Variants in PDE4D observed in about 807,000 individuals in gnomAD.
PDE4D encodes the protein phosphodiesterase 4D, also known as 3',5'-cyclic-AMP phosphodiesterase 4D.
A neutral mutation model predicts 87.4 loss-of-function variants in PDE4D; 24 were observed. That is an observed-to-expected ratio of 0.27 (90% confidence interval 0.20 to 0.39). The LOEUF (loss-of-function observed/expected upper bound fraction) is 0.39. PDE4D is among the 10% of genes least tolerant of loss of function. PDE4D has a pLI of 1.00. For synonymous variants in PDE4D, 384 were observed against 383.2 expected (o/e 1.00, Z -0.02); for missense variants, 714 against 1,041.0 (o/e 0.69, Z 4.32).
chr5:60,420,240 G>A (rs1742971965), intron 1 of PDE4D, among the ~76,000 whole-genome samples: 1 of 152,110 alleles, frequency 6.6e-6, no homozygotes, highest in African/African-American at 2.4e-5. Context: ...CAGAAAGTTG[G>A]TACCTCTCTA....
At chr5:59,018,268 G>A (rs10035258) in intron 6 of PDE4D, among the ~76,000 whole-genome samples, 15,620 of 152,140 alleles carry the variant, frequency 0.1, 1,031 homozygotes, top group Non-Finnish European at 0.13. Flanking sequence ...TTTCAAATTG[G>A]CATAATTTTC....
chr5:59,842,673 T>G (rs571034217), intron 1 of PDE4D, among the ~76,000 whole-genome samples: 1 of 152,210 alleles, frequency 6.6e-6, no homozygotes, highest in Admixed American at 6.5e-5. Context: ...CATTATCTTA[T>G]AGTCACAGCT....
At chr5:59,960,762 C>G (rs1759382667) in intron 3 of PDE4D, among the ~76,000 whole-genome samples, 1 of 152,060 alleles carries the variant, frequency 6.6e-6, no homozygotes, top group Non-Finnish European at 1.5e-5. Flanking sequence ...GTACTATGTT[C>G]ATTATCTTAG....
intron 1 of PDE4D, among the ~76,000 whole-genome samples, chr5:59,892,506 C>T (rs1244814272): frequency 6.6e-6 from 1 of 152,000 alleles, no homozygotes; most frequent in East Asian, 1.9e-4. Flanking sequence ...CCCTCCCTCA[C>T]CCCCTTGTCT....
Position 60,071,556 on chromosome 5 carries a change from T to A in PDE4D, c.43-82839A>T, listed in dbSNP as rs894393749. Among the ~76,000 whole-genome samples the A allele has an allele frequency of 2.0e-4, 30 of 152,270 alleles. No individual in the cohort carries two copies. The East Asian group carries it at 3.3e-3, about 17-fold the overall frequency. On this transcript the variant is annotated intron_variant, in intron 2 of 16. Coordinates refer to the PDE4D transcript ENST00000502484. Reference sequence around the variant, plus strand: ...TAGCCATCTGGGCAAAAAATCTTTTTCCATTGGCCAGTAAAACAATTTGGA... The same window carrying A: ...TAGCCATCTGGGCAAAAAATCTTTTACCATTGGCCAGTAAAACAATTTGGA...
At chr5:60,288,176 C>T (rs1183555717) in intron 1 of PDE4D, among the ~76,000 whole-genome samples, 1 of 152,188 alleles carries the variant, frequency 6.6e-6, no homozygotes, top group African/African-American at 2.4e-5. Flanking sequence ...GCATTTTTCC[C>T]CCTCAAATCT....
At chr5:60,343,441 G>A (rs1287765640) in intron 1 of PDE4D, among the ~76,000 whole-genome samples, 3 of 152,160 alleles carry the variant, frequency 2.0e-5, no homozygotes, top group African/African-American at 4.8e-5. Flanking sequence ...TGGCACCAAT[G>A]ATGATAACAA....
chr5:59,253,207 G>C (rs1394955722), intron 1 of PDE4D, among the ~76,000 whole-genome samples: 1 of 151,944 alleles, frequency 6.6e-6, no homozygotes, highest in Non-Finnish European at 1.5e-5. Context: ...ATCTCTATTT[G>C]TTTCTTTAAA....
chr5:59,121,051 C>T (rs984089518), intron 5 of PDE4D, among the ~76,000 whole-genome samples: 2 of 152,134 alleles, frequency 1.3e-5, no homozygotes, highest in Non-Finnish European at 2.9e-5. Flanking sequence ...TCTCACCATA[C>T]AAAAATCAAC....
At chr5:59,099,064 T>C (rs907524404) in intron 5 of PDE4D, among the ~76,000 whole-genome samples, 1 of 152,214 alleles carries the variant, frequency 6.6e-6, no homozygotes, top group East Asian at 1.9e-4. Flanking sequence ...TAATTAAGAT[T>C]CAGTCAGTCA....
chr5:59,937,841 C>T (rs912814153), intron 3 of PDE4D, among the ~76,000 whole-genome samples: 8 of 152,184 alleles, frequency 5.3e-5, no homozygotes, highest in Non-Finnish European at 4.4e-5. Context: ...CAATTTGAAT[C>T]ATGGCAGGCT....
intron 1 of PDE4D, among the ~76,000 whole-genome samples, chr5:59,631,464 CA>C (rs1447459995): frequency 1.3e-5 from 2 of 152,048 alleles, no homozygotes; most frequent in East Asian, 3.9e-4. Context: ...TAAAGATGGC[CA>C]AATAGAAACA....
At chr5:59,521,672 A>G (rs1225348219) in intron 1 of PDE4D, among the ~76,000 whole-genome samples, 2 of 152,138 alleles carry the variant, frequency 1.3e-5, no homozygotes, top group Non-Finnish European at 2.9e-5. Flanking sequence ...CAAATTGCAT[A>G]ACTTCCTGGT....
intron 1 of PDE4D, among the ~76,000 whole-genome samples, chr5:59,606,373 T>G (rs1444442799): frequency 6.6e-6 from 1 of 152,138 alleles, no homozygotes; most frequent in Non-Finnish European, 1.5e-5. Context: ...GTTAATATTT[T>G]TTCAAGTCTG....
At position 59,668,755 on chromosome 5, in the gene PDE4D, AAAGAAGAAAGAAG is replaced by A. The variant is rs1446978186; in HGVS notation, c.455+224400_455+224412del. On this transcript the variant is annotated intron_variant, in intron 1 of 14. Transcript: ENST00000340635. ...AAGAAGAAAGAAGAAGAAGAAGAAG[AAAGAAGAAAGAAG>A]AAGAAGAAAGAAGAAGAAGAAGAAA... Among the ~76,000 whole-genome samples, 21 of 144,044 alleles carry A rather than the reference AAAGAAGAAAGAAG, an allele frequency of 1.5e-4. 1 individual carries two copies. The highest frequency in any genetic ancestry group is 5.4e-4 in the African/African-American group (19 of 35,422). The allele number at this position is 144,044 out of a possible 152,430, so 94.5% of individuals were successfully genotyped here.
At chr5:59,254,443 AT>A (rs954718404) in intron 1 of PDE4D, among the ~76,000 whole-genome samples, 1 of 151,932 alleles carries the variant, frequency 6.6e-6, no homozygotes, top group Non-Finnish European at 1.5e-5. Context: ...GCAGTCATTA[AT>A]TTTTTGTCCT....
chr5:59,596,384 A>C (rs1201450403), intron 1 of PDE4D, among the ~76,000 whole-genome samples: 1 of 151,564 alleles, frequency 6.6e-6, no homozygotes, highest in African/African-American at 2.4e-5. Flanking sequence ...ATGTATTTTT[A>C]TTTCGGCATC....
At chr5:60,088,571 A>C in intron 2 of PDE4D, among the ~76,000 whole-genome samples, 1 of 152,096 alleles carries the variant, frequency 6.6e-6, no homozygotes, top group South Asian at 2.1e-4. Flanking sequence ...TTTGCATCAA[A>C]GTTAAACTAT....
intron 2 of PDE4D, among the ~76,000 whole-genome samples, chr5:60,058,815 G>A (rs540311463): frequency 5.3e-5 from 8 of 151,968 alleles, no homozygotes; most frequent in South Asian, 2.1e-4. Flanking sequence ...GAGAGATACC[G>A]TATGAAAGCA....
Sources: allele counts gnomAD v4.1 joint callset (sites outside exome capture counted in the v4.1 genomes callset), GRCh38; gene constraint gnomAD v4.1.1; transcripts MANE v1.5; gene names NCBI Gene and HGNC (gene_info 2026-07-23, HGNC 2026-07-21).